The following CHN1 variants were observed in gnomAD, a reference collection of about 807,000 sequenced individuals.
The protein encoded by CHN1 is chimerin 1, also known as N-chimaerin.
In CHN1, 37 loss-of-function variants were observed where a neutral mutation model predicts 59.5. That is an observed-to-expected ratio of 0.62 (90% confidence interval 0.48 to 0.82). The LOEUF (loss-of-function observed/expected upper bound fraction) is 0.82. Among genes scored for constraint, CHN1 ranks in the 40% least tolerant of loss-of-function variants. The pLI is 0.00. For synonymous variants in CHN1, 206 were observed against 200.4 expected (o/e 1.03, Z -0.24); for missense variants, 469 against 571.0 (o/e 0.82, Z 1.82).
intron 7 of CHN1, among the ~76,000 whole-genome samples, chr2:174,832,349 GGTT>G (rs1685907973): frequency 2.6e-5 from 4 of 151,796 alleles, no homozygotes; most frequent in Admixed American, 1.3e-4. Flanking sequence ...TTAAGTACTT[GGTT>G]TAATTGATTC....
chr2:174,841,891 A>C (rs1413024125), intron 7 of CHN1, among the ~76,000 whole-genome samples: 1 of 152,162 alleles, frequency 6.6e-6, no homozygotes, highest in Non-Finnish European at 1.5e-5. Flanking sequence ...AATACCATTA[A>C]TTCAAAACAC....
At chr2:174,932,481 C>T (rs1040397475) in intron 3 of CHN1, among the ~76,000 whole-genome samples, 1 of 152,190 alleles carries the variant, frequency 6.6e-6, no homozygotes, top group Non-Finnish European at 1.5e-5. Context: ...CCCAGGTTTT[C>T]AAAGAAAGGA....
chr2:174,916,578 G>C (rs942921281), intron 4 of CHN1, among the ~76,000 whole-genome samples: 7 of 152,174 alleles, frequency 4.6e-5, no homozygotes, highest in African/African-American at 1.7e-4. Flanking sequence ...AATAATTCAG[G>C]AACATTACTA....
At chr2:174,990,233 C>G (rs62184827) in intron 1 of CHN1, among the ~76,000 whole-genome samples, 34 of 116,078 alleles carry the variant, frequency 2.9e-4, no homozygotes, top group Admixed American at 1.0e-3. Flanking sequence ...TGTGGTGTGT[C>G]TGTGTGTGTG....
chr2:174,928,505 C>T (rs1376507674), intron 3 of CHN1, among the ~76,000 whole-genome samples: 2 of 152,082 alleles, frequency 1.3e-5, no homozygotes, highest in African/African-American at 4.8e-5. Flanking sequence ...ATGATATAAC[C>T]ACTTCAAAAG....
intron 5 of CHN1, among the ~76,000 whole-genome samples, chr2:174,908,229 A>G (rs1213601727): frequency 6.6e-6 from 1 of 152,186 alleles, no homozygotes; most frequent in East Asian, 1.9e-4. Context: ...TTCAAAGTGA[A>G]CCCTTTAAAA....
intron 9 of CHN1, 43 bp from the exon 10 acceptor site, chr2:174,811,631 C>T: frequency 1.5e-6 from 2 of 1,294,938 alleles, no homozygotes; most frequent in Non-Finnish European, 2.2e-6. Context: ...TATGCCTTTT[C>T]TTCAGATTTT....
At chr2:174,865,830 G>C (rs574119543) in intron 6 of CHN1, among the ~76,000 whole-genome samples, 1 of 152,226 alleles carries the variant, frequency 6.6e-6, no homozygotes, top group Non-Finnish European at 1.5e-5. Flanking sequence ...TCTTTAATCG[G>C]AAAAACCTCT....
At chr2:174,892,415 A>G (rs2105348173) in intron 5 of CHN1, among the ~76,000 whole-genome samples, 1 of 152,314 alleles carries the variant, frequency 6.6e-6, no homozygotes, top group African/African-American at 2.4e-5. Context: ...GTGAGAACAC[A>G]GTGTTCAGAC....
chr2:174,998,518 A>G lies in CHN1; in HGVS notation c.19+6376T>C, dbSNP rs575282420. Among the ~76,000 whole-genome samples, 517 of 152,206 alleles carry G rather than the reference A, an allele frequency of 3.4e-3. 2 individuals are homozygous for G. Among genetic ancestry groups the G allele is most frequent in the Admixed American group, 6.0e-3 (91 of 15,294 alleles). ...GTGCTTGCCTTACTCCACGGAACAT[A>G]TGCAATCCAAAGGAATCGAAAGGTC... On this transcript the variant is annotated intron_variant, in intron 1 of 12. Transcript: ENST00000409900.
chr2:174,872,010 T>G (rs1335913523), intron 6 of CHN1, among the ~76,000 whole-genome samples: 6 of 152,144 alleles, frequency 3.9e-5, no homozygotes, highest in Non-Finnish European at 4.4e-5. Context: ...GGCCAGGCAC[T>G]GTGGCTCACG....
chr2:174,828,200 A>C (rs1466043047), intron 7 of CHN1, among the ~76,000 whole-genome samples: 1 of 152,112 alleles, frequency 6.6e-6, no homozygotes, highest in Non-Finnish European at 1.5e-5. Context: ...GCAAATGAGG[A>C]GTTTTGGCAA....
At chr2:174,966,365 G>GTGCAACTACAGTGCTCACATTAACTT (rs1173360512) in intron 1 of CHN1, among the ~76,000 whole-genome samples, 25 of 151,724 alleles carry the variant, frequency 1.6e-4, no homozygotes, top group African/African-American at 5.8e-4. Flanking sequence ...TTCTGAAACT[G>GTGCAACTACAGTGCTCACATTAACTT]TGCAACTACA....
chr2:174,829,196 A>G (rs1269944170), intron 7 of CHN1, among the ~76,000 whole-genome samples: 3 of 152,242 alleles, frequency 2.0e-5, no homozygotes, highest in Admixed American at 6.5e-5. Flanking sequence ...AACTCCTTTC[A>G]CATTAACTTC....
chr2:174,988,683 T>A (rs1309265187), intron 1 of CHN1, among the ~76,000 whole-genome samples: 6 of 152,186 alleles, frequency 3.9e-5, no homozygotes, highest in Non-Finnish European at 7.4e-5. Context: ...TCATCACTGG[T>A]TTGAGCTCTT....
At chr2:174,974,057 CT>C (rs1264362232) in intron 1 of CHN1, among the ~76,000 whole-genome samples, 1 of 152,124 alleles carries the variant, frequency 6.6e-6, no homozygotes, top group Non-Finnish European at 1.5e-5. Flanking sequence ...AATATTACTT[CT>C]TTTTTTCCCA....
Position 174,812,293 on chromosome 2 carries a change from A to G in CHN1, c.886+16T>C, listed in dbSNP as rs1322321303. 6.3e-7 allele frequency: 1 copy of G among 1,599,240 alleles called. No homozygotes were observed. Among genetic ancestry groups the G allele is most frequent in the Non-Finnish European group, 8.5e-7 (1 of 1,170,222 alleles). Reference sequence around the variant, plus strand: ...GTGAACGGAGACCACTGCAACCCGCACTGCAAATGGCTCACCTCTAGACTC... The same window carrying G: ...GTGAACGGAGACCACTGCAACCCGCGCTGCAAATGGCTCACCTCTAGACTC... On this transcript the variant is annotated intron_variant, in intron 9 of 12. Transcript: ENST00000409900.
At chr2:174,875,901 A>G in intron 6 of CHN1, 1 of 849,332 alleles carries the variant, frequency 1.2e-6, no homozygotes, top group Middle Eastern at 6.0e-4. Flanking sequence ...GAGTGAGTAG[A>G]TTTTAAGCCA....
At chr2:174,890,586 G>A (rs1688016397) in intron 5 of CHN1, among the ~76,000 whole-genome samples, 1 of 152,010 alleles carries the variant, frequency 6.6e-6, no homozygotes, top group Admixed American at 6.6e-5. Flanking sequence ...AATATACAAA[G>A]CTAACACTGA....
Sources: allele counts gnomAD v4.1 joint callset (sites outside exome capture counted in the v4.1 genomes callset), GRCh38; gene constraint gnomAD v4.1.1; transcripts MANE v1.5; gene names NCBI Gene and HGNC (gene_info 2026-07-23, HGNC 2026-07-21).